Variants in SLK observed in about 807,000 individuals in gnomAD.
The protein encoded by SLK is STE20 like kinase, also known as STE20-like serine/threonine-protein kinase.
A neutral mutation model predicts 147.7 loss-of-function variants in SLK; 67 were observed. That is an observed-to-expected ratio of 0.45 (90% CI 0.37 to 0.56). The LOEUF (loss-of-function observed/expected upper bound fraction) is 0.56. Among genes scored for constraint, SLK ranks in the 20% least tolerant of loss-of-function variants. The probability of loss-of-function intolerance (pLI) is 0.00; values close to 1 mark genes in which losing one functional copy is unlikely to be tolerated. For missense variants in SLK, 1,136 were observed against 1,438.8 expected (o/e 0.79, Z 3.41); for synonymous variants, 441 against 475.0 (o/e 0.93, Z 0.93).
Position 104,008,334 on chromosome 10 carries a change from T to C in SLK, c.2762T>C (p.Met921Thr), listed in dbSNP as rs545397874. Residue 921 changes from methionine to threonine, a missense_variant, in exon 12 of 19, where the codon ATG becomes ACG. Around this residue, in one of 6 missense-constraint regions of SLK, gnomAD observed 327 missense variants for 457.5 expected, o/e 0.71. Coordinates refer to ENST00000369755, the MANE Select transcript of SLK (RefSeq NM_014720.4). ...QEKELSKFQN[M>T]LKNRKKEVIN... ...AAAGAGTTGTCCAAATTTCAGAATA[T>C]GCTGAAGAACCGAAAGAAGGAGGTA... 1.2e-6 allele frequency: 2 copies of C among 1,609,920 alleles called. No homozygotes were observed. The highest frequency in any genetic ancestry group is 3.4e-5 in the Admixed American group (2 of 59,308).
intron 1 of SLK, among the ~76,000 whole-genome samples, chr10:103,973,195 A>G (rs578216655): frequency 6.2e-4 from 94 of 152,194 alleles, no homozygotes; most frequent in Non-Finnish European, 1.2e-3. Context: ...TCTACCTAGA[A>G]TAGATGTTTG....
At chr10:104,020,694 A>C (rs1844523214) in intron 17 of SLK, 81 bp downstream of exon 17, 1 of 1,436,416 alleles carries the variant, frequency 7.0e-7, no homozygotes, top group Non-Finnish European at 9.5e-7. Flanking sequence ...GTAGCTAGCC[A>C]AAGTCAACTG....
chr10:103,968,372 T>C (rs1217194069), intron 1 of SLK, among the ~76,000 whole-genome samples: 1 of 152,248 alleles, frequency 6.6e-6, no homozygotes, highest in South Asian at 2.1e-4. Flanking sequence ...TGATTGCTAC[T>C]TGCAGTCTCT....
intron 4 of SLK, among the ~76,000 whole-genome samples, chr10:103,993,773 T>C (rs2134476996): frequency 6.6e-6 from 1 of 152,336 alleles, no homozygotes; most frequent in South Asian, 2.1e-4. Context: ...AAGTCCAAAT[T>C]TGTATATTTT....
chr10:103,972,325 C>A (rs1195565658), intron 1 of SLK, among the ~76,000 whole-genome samples: 2 of 152,156 alleles, frequency 1.3e-5, no homozygotes, highest in Non-Finnish European at 2.9e-5. Flanking sequence ...TTTAATTTTA[C>A]CAGATGATGC....
At chr10:104,005,834 T>C in intron 10 of SLK, 78 bp from the exon 11 acceptor site, 1 of 1,536,644 alleles carries the variant, frequency 6.5e-7, no homozygotes, top group South Asian at 1.2e-5. Context: ...AAGAAAATTT[T>C]TAAAGCTTTA....
intron 4 of SLK, among the ~76,000 whole-genome samples, chr10:103,997,733 C>T (rs578169109): frequency 6.6e-6 from 1 of 151,994 alleles, no homozygotes; most frequent in African/African-American, 2.4e-5. Flanking sequence ...GGAGCTCTGT[C>T]GCCTTTCAGA....
chr10:103,998,342 G>A (rs1844202181), intron 4 of SLK, among the ~76,000 whole-genome samples: 1 of 152,152 alleles, frequency 6.6e-6, no homozygotes, highest in Admixed American at 6.5e-5. Context: ...TGCTGTTAAT[G>A]TTGTGTGAAC....
In SLK at chr10:104,010,812, G is replaced by A. The variant is rs772857398; in HGVS notation, c.2785-4G>A. The stretch of plus-strand genomic sequence containing the variant: ...CCCACCTCCTGCATGCTTATACACT[G>A]TAGGTTATAAATGAAGTGGAGAAAG... On this transcript the variant is annotated splice_polypyrimidine_tract_variant and splice_region_variant and intron_variant, in intron 12 of 18. Transcript: ENST00000369755. The A allele has an allele frequency of 1.5e-4, 236 of 1,569,460 alleles. No homozygotes were observed. The highest frequency in any genetic ancestry group is 2.7e-5 in the Non-Finnish European group (31 of 1,162,300).
chr10:104,028,114 C>G lies in SLK; in HGVS notation c.*2394C>G, dbSNP rs2134548704. ...CTGTATTCAAATAGATGATAGTGAT[C>G]TATCTTTCCTGCATGAAGTGTAGGT... is the stretch of plus-strand genomic sequence containing the variant. On this transcript the variant is annotated 3_prime_UTR_variant, in exon 19 of 19. Coordinates refer to ENST00000369755, the MANE Select transcript of SLK (RefSeq NM_014720.4). 1 of 152,266 alleles carries G rather than the reference C, an allele frequency of 6.6e-6. No homozygotes were observed. The allele number at this position is 152,266 out of a possible 1,614,324, so 9.4% of individuals were successfully genotyped here.
At chr10:104,022,092 T>C (rs778506602) in intron 18 of SLK, among the ~76,000 whole-genome samples, 1 of 151,944 alleles carries the variant, frequency 6.6e-6, no homozygotes, top group Admixed American at 6.6e-5. Context: ...GATGGGCTGA[T>C]TGGAGTGGAA....
intron 1 of SLK, among the ~76,000 whole-genome samples, chr10:103,973,038 C>G (rs1182900025): frequency 6.6e-6 from 1 of 152,010 alleles, no homozygotes; most frequent in East Asian, 1.9e-4. Flanking sequence ...TAACATGGTC[C>G]AATTTGTTAG....
At chr10:103,977,741 T>C (rs1843889544) in intron 1 of SLK, among the ~76,000 whole-genome samples, 1 of 152,232 alleles carries the variant, frequency 6.6e-6, no homozygotes, top group Admixed American at 6.5e-5. Flanking sequence ...GGATAGTTCT[T>C]CCATTATGTT....
rs924025481 is a variant in SLK, at chr10:103,967,429, CCGT to C, written c.-314_-312del. 1.3e-5 allele frequency: 2 copies of C among 150,806 alleles called. No homozygotes were observed. Among genetic ancestry groups the C allele is most frequent in the African/African-American group, 4.8e-5 (2 of 41,308 alleles). The allele number at this position is 150,806 out of a possible 1,614,324, so 9.3% of individuals were successfully genotyped here. On this transcript the variant is annotated 5_prime_UTR_variant, in exon 1 of 19. Transcript: ENST00000369755. The stretch of plus-strand genomic sequence containing the variant: ...CCGCGGGAGTCCTGACCGCTCGGAC[CCGT>C]CGGATCAGGCCGGGTGGGAGCGAGC...
At chr10:104,014,422 A>C (rs910303430) in intron 13 of SLK, among the ~76,000 whole-genome samples, 1 of 152,168 alleles carries the variant, frequency 6.6e-6, no homozygotes, top group African/African-American at 2.4e-5. Context: ...TTTGTTTGTG[A>C]CGTCTGATAT....
Position 103,968,019 on chromosome 10 carries a change from CAACTTTACTTGGCTG to C in SLK, c.150+126_150+140del, listed in dbSNP as rs1843741039. 1.6e-5 allele frequency: 16 copies of C among 1,002,142 alleles called. No individual in the cohort carries two copies. The East Asian group carries it at 4.2e-4, about 26-fold the overall frequency. 62.1% of individuals were successfully genotyped at this position (1,002,142 alleles called of 1,614,324 possible). On this transcript the variant is annotated intron_variant, in intron 1 of 18. Coordinates refer to ENST00000369755, the MANE Select transcript of SLK (RefSeq NM_014720.4). The stretch of plus-strand genomic sequence containing the variant: ...TTCTTTTGACTGTTACGGTTCGATG[CAACTTTACTTGGCTG>C]ATCATCCAAGGAGTAGCTAAGAAGT...
intron 7 of SLK, among the ~76,000 whole-genome samples, 196 bp from the exon 8 acceptor site, chr10:104,001,248 G>T (rs548980609): frequency 6.6e-6 from 1 of 152,206 alleles, no homozygotes; most frequent in Admixed American, 6.5e-5. Context: ...TACAGATCCA[G>T]TTGCAGGTAG....
intron 12 of SLK, among the ~76,000 whole-genome samples, chr10:104,010,300 G>A (rs937262773): frequency 1.3e-5 from 2 of 152,208 alleles, no homozygotes; most frequent in Middle Eastern, 3.4e-3. Flanking sequence ...TCTCCTTTGT[G>A]TATTCTAAGA....
chr10:104,021,342 T>G (rs1219230926), intron 17 of SLK, among the ~76,000 whole-genome samples: 1 of 152,226 alleles, frequency 6.6e-6, no homozygotes, highest in Non-Finnish European at 1.5e-5. Flanking sequence ...AGTGTCAGTT[T>G]TATGAGCAAA....
Sources: gnomAD v4.1 joint callset for allele counts (sites outside exome capture counted in the v4.1 genomes callset) on GRCh38, gnomAD v4.1.1 for gene constraint, gnomAD v4.1.1 regional missense constraint, MANE v1.5 for transcripts, NCBI Gene and HGNC (gene_info 2026-07-23, HGNC 2026-07-21) for gene names.